STARD10: variants seen among roughly 807,000 people sequenced by gnomAD.
The protein encoded by STARD10 is START domain-containing protein 10.
In STARD10, 24 loss-of-function variants were observed where a neutral mutation model predicts 36.0. That is an observed-to-expected ratio of 0.67 (90% CI 0.48 to 0.94). The LOEUF (loss-of-function observed/expected upper bound fraction) is 0.94, where lower values mean the gene tolerates loss of function less well. STARD10 is among the 40% of genes least tolerant of loss of function. STARD10 has a pLI of 0.00. For missense variants in STARD10, 335 were observed against 396.6 expected, an observed-to-expected ratio of 0.84 and a Z score of 1.32; for synonymous variants, 156 against 161.9, an observed-to-expected ratio of 0.96 and a Z score of 0.28.
intron 1 of STARD10, among the ~76,000 whole-genome samples, chr11:72,783,102 A>T (rs925589080): frequency 2.0e-5 from 3 of 152,232 alleles, no homozygotes; most frequent in Non-Finnish European, 2.9e-5. Context: ...GTGCTAAGAA[A>T]AAAACGAGGA....
chr11:72,755,274 C>A, intron 6 of STARD10, 132 bp from the exon 7 acceptor site: 2 of 1,019,904 alleles, frequency 2.0e-6, no homozygotes, highest in Non-Finnish European at 1.4e-6. Context: ...GCCCTACTTG[C>A]CCTCCCTGGG....
At chr11:72,755,837 T>G in intron 5 of STARD10, 84 bp from the exon 6 acceptor site, 1 of 1,323,828 alleles carries the variant, frequency 7.6e-7, no homozygotes, top group Non-Finnish European at 1.0e-6. Flanking sequence ...TGCCCAGAGC[T>G]TCCAGGGAGG....
chr11:72,761,216 G>C (rs1287269793), intron 2 of STARD10, among the ~76,000 whole-genome samples: 9 of 152,214 alleles, frequency 5.9e-5, no homozygotes, highest in Non-Finnish European at 1.3e-4. Flanking sequence ...GCCAGACAGT[G>C]AATCATTCCA....
In STARD10 at chr11:72,758,642, G is replaced by C. The variant is rs778310348; in HGVS notation, c.356-9C>G. ...GGGCTTGGGACACCTCCCTGTGGGG[G>C]GCAAGGGACAGTTCAGCCAGACCAC... On this transcript the variant is annotated splice_polypyrimidine_tract_variant and intron_variant, in intron 3 of 6. Transcript: ENST00000334805. 1 of 1,605,560 alleles carries C rather than the reference G, an allele frequency of 6.2e-7. No homozygotes were observed. The highest frequency in any genetic ancestry group is 8.5e-7 in the Non-Finnish European group (1 of 1,173,210).
chr11:72,759,463 G>T (rs780035229), intron 2 of STARD10, 82 bp from the exon 3 acceptor site: 34 of 1,538,290 alleles, frequency 2.2e-5, no homozygotes, highest in Admixed American at 3.4e-5. Context: ...ACAGGCAGAG[G>T]GGGAGGAAGA....
At chr11:72,792,211 G>A (rs927410615) in intron 1 of STARD10, among the ~76,000 whole-genome samples, 1 of 151,398 alleles carries the variant, frequency 6.6e-6, no homozygotes, top group Non-Finnish European at 1.5e-5. Context: ...CACAACGCCC[G>A]GTTAATTTTT....
chr11:72,783,137 A>T (rs1057389570), intron 1 of STARD10, among the ~76,000 whole-genome samples: 2 of 152,202 alleles, frequency 1.3e-5, no homozygotes, highest in Non-Finnish European at 2.9e-5. Flanking sequence ...ACGGTGCTTC[A>T]CAAATAGAGG....
chr11:72,784,043 G>A (rs1209622022), intron 1 of STARD10, among the ~76,000 whole-genome samples: 1 of 152,178 alleles, frequency 6.6e-6, no homozygotes, highest in Non-Finnish European at 1.5e-5. Flanking sequence ...CAGCAGGTGG[G>A]TAGAAGGGTA....
chr11:72,769,383 C>T (rs1232778698), intron 2 of STARD10, among the ~76,000 whole-genome samples: 1 of 152,156 alleles, frequency 6.6e-6, no homozygotes, highest in Non-Finnish European at 1.5e-5. Context: ...AATAATTTGG[C>T]AAATACTTTT....
At chr11:72,780,756 G>A (rs1858982301) in intron 2 of STARD10, 1 of 586,828 alleles carries the variant, frequency 1.7e-6, no homozygotes. Flanking sequence ...CCAGCTGAGA[G>A]AGGCAGGGTG....
chr11:72,769,745 G>T (rs2135617661), intron 2 of STARD10, among the ~76,000 whole-genome samples: 1 of 152,332 alleles, frequency 6.6e-6, no homozygotes, highest in Admixed American at 6.5e-5. Flanking sequence ...CAATATTCAT[G>T]AGTATATTAT....
chr11:72,767,567 G>A (rs1291316827), intron 2 of STARD10, among the ~76,000 whole-genome samples: 1 of 152,156 alleles, frequency 6.6e-6, no homozygotes, highest in Non-Finnish European at 1.5e-5. Flanking sequence ...CTGGCAACTG[G>A]AGGCTGCCTT....
chr11:72,755,394 TCTGCCTTCCAGGTTCAAGTGATTCTC>T, intron 6 of STARD10: 1 of 538,468 alleles, frequency 1.9e-6, no homozygotes, highest in Non-Finnish European at 3.3e-6. Flanking sequence ...CACTGCAACC[TCTGCCTTCCAGGTTCAAGTGATTCTC>T]CTGCCTTAGC....
chr11:72,754,895 G>A lies in STARD10; in HGVS notation c.*2C>T, dbSNP rs372967970. ...GTCTCCGTCCCTGAAGCGGTGCGGC[G>A]CTCAGGTGAGCGAGGTGTCGTCGTC... On this transcript the variant is annotated 3_prime_UTR_variant, in exon 7 of 7. Transcript: ENST00000334805. 8.0e-5 allele frequency: 127 copies of A among 1,596,686 alleles called. No individual in the cohort carries two copies. Among genetic ancestry groups the A allele is most frequent in the Non-Finnish European group, 9.9e-5 (117 of 1,177,876 alleles).
intron 2 of STARD10, among the ~76,000 whole-genome samples, chr11:72,771,910 A>G (rs576772866): frequency 2.6e-5 from 4 of 152,288 alleles, no homozygotes; most frequent in Admixed American, 6.5e-5. Context: ...GGGACAACAC[A>G]GAGGCCAGGG....
intron 2 of STARD10, among the ~76,000 whole-genome samples, chr11:72,773,523 A>AAC (rs1279315963): frequency 6.6e-6 from 1 of 152,222 alleles, no homozygotes; most frequent in Non-Finnish European, 1.5e-5. Flanking sequence ...CAGACACAGA[A>AAC]ACACACACAG....
At chr11:72,759,844 G>C (rs959508738) in intron 2 of STARD10, among the ~76,000 whole-genome samples, 5 of 152,236 alleles carry the variant, frequency 3.3e-5, no homozygotes, top group Admixed American at 6.5e-5. Context: ...TTATCACGCG[G>C]CCATACCACC....
chr11:72,759,190 A>T, intron 3 of STARD10, 44 bp downstream of exon 3: 1 of 1,606,912 alleles, frequency 6.2e-7, no homozygotes, highest in East Asian at 2.2e-5. Flanking sequence ...GGAGGCCTGG[A>T]TGGAGGCCAA....
At chr11:72,764,741 G>T (rs1050185778) in intron 2 of STARD10, among the ~76,000 whole-genome samples, 1 of 152,234 alleles carries the variant, frequency 6.6e-6, no homozygotes, top group African/African-American at 2.4e-5. Flanking sequence ...AGAGCACCAG[G>T]TGGGCGGGCC....
Sources: gnomAD v4.1 joint callset for allele counts (sites outside exome capture counted in the v4.1 genomes callset) on GRCh38, gnomAD v4.1.1 for gene constraint, MANE v1.5 for transcripts, NCBI Gene and HGNC (gene_info 2026-07-23, HGNC 2026-07-21) for gene names.